Variants in BCAR3 observed in about 807,000 individuals in gnomAD.
BCAR3 encodes the protein BCAR3 adaptor protein, NSP family member.
A neutral mutation model predicts 80.1 loss-of-function variants in BCAR3; 37 were observed. The observed-to-expected ratio is 0.46, with a 90% confidence interval of 0.36 to 0.61. The LOEUF (loss-of-function observed/expected upper bound fraction) is 0.61. Among genes scored for constraint, BCAR3 ranks in the 20% least tolerant of loss-of-function variants. The pLI is 0.00. For missense variants in BCAR3, 978 were observed against 1,068.2 expected, an observed-to-expected ratio of 0.92 and a Z score of 1.18; for synonymous variants, 389 against 418.9, an observed-to-expected ratio of 0.93 and a Z score of 0.87.
intron 2 of BCAR3, among the ~76,000 whole-genome samples, chr1:93,800,162 T>A (rs1311512723): frequency 1.3e-5 from 2 of 152,248 alleles, no homozygotes; most frequent in Non-Finnish European, 2.9e-5. Context: ...TTGTTTAATA[T>A]TTGGACATGG....
Position 93,562,410 on chromosome 1 carries a change from G to A in BCAR3, c.2309C>T (p.Pro770Leu). The A allele has an allele frequency of 6.2e-7, 1 of 1,613,220 alleles. No homozygotes were observed. The highest frequency in any genetic ancestry group is 8.5e-7 in the Non-Finnish European group (1 of 1,179,656). ...NAERILAGFQPDEEMNEICKT... is the reference protein window; with the variant it reads ...NAERILAGFQLDEEMNEICKT... ...GCAGATTTCATTCATTTCTTCATCT[G>A]GTTGAAAACCTAATGAAACAAAATA... The change falls in exon 12 of 12, where the codon CCA (proline) becomes CTA (leucine). Residue 770 changes from proline to leucine, a missense_variant. Coordinates refer to ENST00000260502, the MANE Select transcript of BCAR3 (RefSeq NM_003567.4).
At chr1:93,802,902 A>T (rs1653534233) in intron 2 of BCAR3, among the ~76,000 whole-genome samples, 1 of 151,350 alleles carries the variant, frequency 6.6e-6, no homozygotes, top group Admixed American at 6.6e-5. Flanking sequence ...ACATAAAGAG[A>T]CTCCCTCCTT....
At chr1:93,691,312 T>C (rs937140167) in intron 3 of BCAR3, among the ~76,000 whole-genome samples, 2 of 152,184 alleles carry the variant, frequency 1.3e-5, no homozygotes, top group Non-Finnish European at 2.9e-5. Flanking sequence ...TCCCATTACT[T>C]CACAGGCTGC....
intron 7 of BCAR3, among the ~76,000 whole-genome samples, chr1:93,577,773 TC>T (rs67067101): frequency 0.047 from 7,126 of 152,192 alleles, 560 homozygotes; most frequent in African/African-American, 0.16. Flanking sequence ...CTGAGGGGTG[TC>T]CCCCACGCTC....
intron 2 of BCAR3, chr1:93,845,502 A>ATATATATATAATGTCAAG: frequency 1.8e-5 from 2 of 113,820 alleles, no homozygotes; most frequent in Admixed American, 1.9e-4. Context: ...ATATATATAT[A>ATATATATATAATGTCAAG]AAACTTTGTT....
intron 2 of BCAR3, among the ~76,000 whole-genome samples, chr1:93,748,192 T>C (rs1251644024): frequency 6.6e-6 from 1 of 152,200 alleles, no homozygotes. Context: ...CATAGAGAGA[T>C]AGCCATTGCC....
intron 2 of BCAR3, among the ~76,000 whole-genome samples, chr1:93,790,545 G>A (rs1653107144): frequency 6.7e-6 from 1 of 149,924 alleles, no homozygotes; most frequent in East Asian, 1.9e-4. Context: ...ATCCAGTAGT[G>A]CACTAAATGG....
At chr1:93,678,955 TCTCAATGTCC>T (rs1207937785) in intron 1 of BCAR3, among the ~76,000 whole-genome samples, 1 of 152,184 alleles carries the variant, frequency 6.6e-6, no homozygotes, top group Non-Finnish European at 1.5e-5. Flanking sequence ...AATATTTCTG[TCTCAATGTCC>T]CTAGTCATTA....
chr1:93,663,041 G>T (rs75173538), intron 2 of BCAR3, among the ~76,000 whole-genome samples: 4,333 of 152,106 alleles, frequency 0.028, 93 homozygotes, highest in East Asian at 0.075. Flanking sequence ...TCACCTTATC[G>T]GGTGGCATTA....
chr1:93,761,151 G>A (rs146688306), intron 2 of BCAR3, among the ~76,000 whole-genome samples: 1 of 152,294 alleles, frequency 6.6e-6, no homozygotes, highest in Non-Finnish European at 1.5e-5. Context: ...CTGGGACAGA[G>A]CTGGTGGCAG....
intron 2 of BCAR3, among the ~76,000 whole-genome samples, chr1:93,736,597 C>T (rs1045940204): frequency 6.6e-6 from 1 of 152,150 alleles, no homozygotes; most frequent in African/African-American, 2.4e-5. Context: ...GATTCCTTTG[C>T]ATAATATGGT....
At chr1:93,713,207 C>T (rs76006950) in intron 2 of BCAR3, among the ~76,000 whole-genome samples, 2,942 of 152,084 alleles carry the variant, frequency 0.019, 102 homozygotes, top group African/African-American at 0.067. Context: ...CTGTATTGGA[C>T]GGCACACTCT....
intron 2 of BCAR3, among the ~76,000 whole-genome samples, chr1:93,827,873 A>G (rs989990915): frequency 6.6e-6 from 1 of 152,164 alleles, no homozygotes; most frequent in African/African-American, 2.4e-5. Flanking sequence ...CCTCAAACTA[A>G]AAGAGATTGG....
chr1:93,739,174 C>T (rs1651095669), intron 2 of BCAR3, among the ~76,000 whole-genome samples: 1 of 152,142 alleles, frequency 6.6e-6, no homozygotes, highest in Non-Finnish European at 1.5e-5. Flanking sequence ...GGGAAATTGT[C>T]CTCTCTGGGT....
chr1:93,809,252 G>C (rs1246810642), intron 2 of BCAR3, among the ~76,000 whole-genome samples: 2 of 152,140 alleles, frequency 1.3e-5, no homozygotes, highest in Non-Finnish European at 1.5e-5. Context: ...AGAAGTAGCT[G>C]ACTCCTCTAT....
At chr1:93,647,222 T>A (rs236305) in intron 2 of BCAR3, among the ~76,000 whole-genome samples, 6,614 of 152,266 alleles carry the variant, frequency 0.043, 225 homozygotes, top group African/African-American at 0.085. Context: ...TTTATAAGAA[T>A]GATTCTTGTG....
At chr1:93,636,727 A>T (rs1291971651) in intron 3 of BCAR3, among the ~76,000 whole-genome samples, 2 of 152,160 alleles carry the variant, frequency 1.3e-5, no homozygotes, top group Non-Finnish European at 2.9e-5. Flanking sequence ...CCCTTAAAAA[A>T]CTACAGCTTA....
In BCAR3 at chr1:93,592,057, A is replaced by G. The variant is rs925227106; in HGVS notation, c.486+208T>C. On this transcript the variant is annotated intron_variant, in intron 4 of 11. Coordinates refer to ENST00000260502, the MANE Select transcript of BCAR3 (RefSeq NM_003567.4). The surrounding 1 kb of genome is among the most constrained non-coding windows in gnomAD (Gnocchi z 4.8). ...CTGGCTGTCCCTTCACTTCCTGAACATGTGGATGTGTGCTTTGGGTTCTTG... is the reference window on the plus strand; with the variant it reads ...CTGGCTGTCCCTTCACTTCCTGAACGTGTGGATGTGTGCTTTGGGTTCTTG... The G allele has an allele frequency of 1.6e-6, 1 of 621,216 alleles. No homozygotes were observed. The highest frequency in any genetic ancestry group is 1.9e-5 in the African/African-American group (1 of 52,552). The allele number at this position is 621,216 out of a possible 1,614,324, so 38.5% of individuals were successfully genotyped here. A position where few individuals can be genotyped will look rare whatever the true frequency, so the allele number is the denominator to read the frequency against.
At chr1:93,821,512 C>T (rs993389649) in intron 2 of BCAR3, among the ~76,000 whole-genome samples, 2 of 152,190 alleles carry the variant, frequency 1.3e-5, no homozygotes, top group Non-Finnish European at 2.9e-5. Context: ...GCCCCAAAGA[C>T]TACAGGGGCC....
Sources: gnomAD v4.1 joint callset for allele counts (sites outside exome capture counted in the v4.1 genomes callset) on GRCh38, gnomAD v4.1.1 for gene constraint, Gnocchi (gnomAD v3.1) non-coding constraint, MANE v1.5 for transcripts, NCBI Gene and HGNC (gene_info 2026-07-23, HGNC 2026-07-21) for gene names.